TTLL11: variants seen among roughly 807,000 people sequenced by gnomAD.
The protein encoded by TTLL11 is tubulin tyrosine ligase like 11.
TTLL11 carries 42 observed loss-of-function variants against 51.7 expected under a neutral mutation model. The observed-to-expected ratio is 0.81, with a 90% CI of 0.64 to 1.05. TTLL11 has a LOEUF of 1.05. TTLL11 is among the 50% of genes least tolerant of loss of function. The pLI is 0.00. For missense variants in TTLL11, 799 were observed against 940.4 expected (o/e 0.85, Z 1.97); for synonymous variants, 381 against 383.5 (o/e 0.99, Z 0.08).
chr9:122,040,481 T>A, intron 1 of TTLL11: 1 of 933,564 alleles, frequency 1.1e-6, no homozygotes, highest in Non-Finnish European at 1.3e-6. Flanking sequence ...TCAGATGACC[T>A]TGTTAAAGGA....
At chr9:121,827,185 A>G (rs1443711396) in intron 8 of TTLL11, among the ~76,000 whole-genome samples, 1 of 151,984 alleles carries the variant, frequency 6.6e-6, no homozygotes, top group African/African-American at 2.4e-5. Context: ...TTTATTTCTT[A>G]AGTGAAATCT....
chr9:121,952,664 C>T (rs1316207065), intron 6 of TTLL11, among the ~76,000 whole-genome samples: 1 of 152,108 alleles, frequency 6.6e-6, no homozygotes, highest in Non-Finnish European at 1.5e-5. Flanking sequence ...AATAAAATGC[C>T]TTGTTTGATT....
At position 121,893,827 on chromosome 9, in the gene TTLL11, G is replaced by A. The variant is rs143980065; in HGVS notation, c.1482-23079C>T. Among the ~76,000 whole-genome samples, 135 of 152,338 alleles carry A rather than the reference G, an allele frequency of 8.9e-4. 1 individual carries two copies. Among genetic ancestry groups the A allele is most frequent in the Middle Eastern group, 6.8e-3 (2 of 294 alleles). On this transcript the variant is annotated intron_variant, in intron 6 of 8. Transcript: ENST00000321582. ...GAGACATTCTGTCAGAAACTGGAGG[G>A]AATCTGTTTTCTGTGCATACAGATA...
chr9:121,964,762 C>T (rs1300667238), intron 6 of TTLL11, among the ~76,000 whole-genome samples: 1 of 151,924 alleles, frequency 6.6e-6, no homozygotes, highest in Non-Finnish European at 1.5e-5. Context: ...TCACTAGGGA[C>T]CTCCTTCCCC....
chr9:121,887,080 T>C (rs1431889683), intron 6 of TTLL11, among the ~76,000 whole-genome samples: 2 of 152,124 alleles, frequency 1.3e-5, no homozygotes, highest in Admixed American at 6.5e-5. Flanking sequence ...TCACAAAACA[T>C]CTGTTTCAGG....
At chr9:121,946,892 T>A (rs1247425763) in intron 6 of TTLL11, among the ~76,000 whole-genome samples, 1 of 152,090 alleles carries the variant, frequency 6.6e-6, no homozygotes, top group Non-Finnish European at 1.5e-5. Context: ...GGGTCCCCAC[T>A]CAGCCTACCC....
chr9:121,855,027 A>AAT (rs1837772702), intron 8 of TTLL11, among the ~76,000 whole-genome samples: 1 of 152,198 alleles, frequency 6.6e-6, no homozygotes, highest in African/African-American at 2.4e-5. Flanking sequence ...ATTCTGACAG[A>AAT]GGTGAAGGCA....
chr9:121,915,607 C>T (rs1840292597), intron 6 of TTLL11, among the ~76,000 whole-genome samples: 1 of 152,096 alleles, frequency 6.6e-6, no homozygotes, highest in African/African-American at 2.4e-5. Flanking sequence ...TGGTATTTCC[C>T]AGCTCAATAT....
intron 6 of TTLL11, among the ~76,000 whole-genome samples, chr9:121,912,927 A>G (rs752548218): frequency 1.3e-5 from 2 of 151,964 alleles, no homozygotes; most frequent in African/African-American, 2.4e-5. Context: ...AAAAAAAAGC[A>G]CTAGGATTCA....
chr9:121,899,170 T>C (rs1411037548), intron 6 of TTLL11, among the ~76,000 whole-genome samples: 5 of 152,094 alleles, frequency 3.3e-5, no homozygotes, highest in Admixed American at 2.0e-4. Flanking sequence ...TCAAGGCCTC[T>C]GCACTTGATG....
chr9:121,898,288 G>C (rs1415814238), intron 6 of TTLL11, among the ~76,000 whole-genome samples: 1 of 152,226 alleles, frequency 6.6e-6, no homozygotes, highest in Non-Finnish European at 1.5e-5. Context: ...GCTAGAAAGG[G>C]AGAGACGGTG....
chr9:121,960,632 C>T (rs1019229615), intron 6 of TTLL11, among the ~76,000 whole-genome samples: 2 of 152,218 alleles, frequency 1.3e-5, no homozygotes, highest in African/African-American at 4.8e-5. Flanking sequence ...CTACATGTAG[C>T]AAGCCCTCAG....
At chr9:121,876,953 G>A (rs765510668) in intron 6 of TTLL11, among the ~76,000 whole-genome samples, 6 of 152,206 alleles carry the variant, frequency 3.9e-5, no homozygotes, top group Non-Finnish European at 7.3e-5. Flanking sequence ...ACCTAAACTA[G>A]GGCAGTTGTA....
intron 1 of TTLL11, among the ~76,000 whole-genome samples, chr9:122,071,947 G>C (rs1845740001): frequency 6.6e-6 from 1 of 152,138 alleles, no homozygotes; most frequent in Admixed American, 6.5e-5. Flanking sequence ...CTGCCCTCAA[G>C]GAGGGTGTCC....
At chr9:121,965,921 T>C (rs1266381901) in intron 6 of TTLL11, among the ~76,000 whole-genome samples, 2 of 152,210 alleles carry the variant, frequency 1.3e-5, no homozygotes, top group Admixed American at 1.3e-4. Context: ...CACTGGGAGA[T>C]TCCTTGTTTT....
chr9:121,900,890 C>A (rs963691868), intron 6 of TTLL11, among the ~76,000 whole-genome samples: 13 of 152,044 alleles, frequency 8.6e-5, no homozygotes, highest in Non-Finnish European at 1.6e-4. Context: ...CTCACTGCAG[C>A]CTCAACCTCC....
chr9:121,878,916 T>G (rs964517634), intron 6 of TTLL11, among the ~76,000 whole-genome samples: 1 of 152,250 alleles, frequency 6.6e-6, no homozygotes, highest in East Asian at 1.9e-4. Flanking sequence ...GGGCTGGTGG[T>G]GCAGGGGGTC....
chr9:121,848,369 C>T (rs1837576900), intron 8 of TTLL11, among the ~76,000 whole-genome samples: 1 of 152,110 alleles, frequency 6.6e-6, no homozygotes, highest in Non-Finnish European at 1.5e-5. Flanking sequence ...CCCCCCTTAC[C>T]ATTCCTGTCC....
At chr9:121,923,628 G>A (rs1840617168) in intron 6 of TTLL11, among the ~76,000 whole-genome samples, 1 of 145,744 alleles carries the variant, frequency 6.9e-6, no homozygotes, top group Admixed American at 6.9e-5. Flanking sequence ...CATTTTACAG[G>A]TAAAGAAGTT....
Sources: allele counts gnomAD v4.1 joint callset (sites outside exome capture counted in the v4.1 genomes callset), GRCh38; gene constraint gnomAD v4.1.1; transcripts MANE v1.5; gene names NCBI Gene and HGNC (gene_info 2026-07-23, HGNC 2026-07-21).